Variants in PTPRN2 observed in about 807,000 individuals in gnomAD.
The protein encoded by PTPRN2 is receptor-type tyrosine-protein phosphatase N2.
A neutral mutation model predicts 118.8 loss-of-function variants in PTPRN2; 74 were observed. That is an observed-to-expected ratio of 0.62 (90% CI 0.52 to 0.76). The LOEUF (loss-of-function observed/expected upper bound fraction) is 0.76, where lower values mean the gene tolerates loss of function less well. PTPRN2 is among the 30% of genes least tolerant of loss of function. PTPRN2 has a pLI of 0.00. For missense variants in PTPRN2, 1,481 were observed against 1,394.4 expected (o/e 1.06, Z -0.99); for synonymous variants, 641 against 608.0 (o/e 1.05, Z -0.80).
chr7:157,570,149 G>A (rs1023829294), intron 20 of PTPRN2, among the ~76,000 whole-genome samples: 3 of 152,240 alleles, frequency 2.0e-5, no homozygotes, highest in African/African-American at 4.8e-5. Context: ...GAGGAGAGGC[G>A]GTCGGCCTGG....
At chr7:158,290,327 G>A (rs982106407) in intron 3 of PTPRN2, among the ~76,000 whole-genome samples, 21 of 152,128 alleles carry the variant, frequency 1.4e-4, no homozygotes, top group African/African-American at 5.1e-4. Flanking sequence ...GTTCAGTGCT[G>A]GGGCCTACCA....
intron 13 of PTPRN2, among the ~76,000 whole-genome samples, chr7:157,670,609 G>A (rs1050967681): frequency 2.6e-5 from 4 of 152,116 alleles, no homozygotes; most frequent in Non-Finnish European, 5.9e-5. Context: ...CAGTCACACC[G>A]CAGCAAAGCC....
intron 11 of PTPRN2, among the ~76,000 whole-genome samples, chr7:157,996,653 C>T (rs990237828): frequency 1.3e-5 from 2 of 152,232 alleles, no homozygotes; most frequent in African/African-American, 4.8e-5. Flanking sequence ...TAACTGAGAA[C>T]AGGGTCAGGG....
intron 1 of PTPRN2, among the ~76,000 whole-genome samples, chr7:158,510,285 T>G (rs984157230): frequency 1.3e-5 from 2 of 152,202 alleles, no homozygotes; most frequent in Non-Finnish European, 2.9e-5. Flanking sequence ...CAGAACAACT[T>G]AGAAGCCCAG....
At chr7:158,053,890 CCAGAGA>C (rs1440110978) in intron 11 of PTPRN2, among the ~76,000 whole-genome samples, 1 of 150,306 alleles carries the variant, frequency 6.7e-6, no homozygotes, top group Admixed American at 6.6e-5. Context: ...TGCAGAGACC[CCAGAGA>C]TGCAGAGACC....
At chr7:158,421,882 T>A (rs920805188) in intron 2 of PTPRN2, among the ~76,000 whole-genome samples, 4 of 152,154 alleles carry the variant, frequency 2.6e-5, no homozygotes, top group African/African-American at 7.2e-5. Context: ...AGCCCTAAGG[T>A]TTGGGGTTAA....
chr7:157,979,449 A>G (rs1303888878), intron 11 of PTPRN2, among the ~76,000 whole-genome samples: 1 of 152,208 alleles, frequency 6.6e-6, no homozygotes, highest in Non-Finnish European at 1.5e-5. Flanking sequence ...TGACGGTGAC[A>G]CTGGCAACTG....
intron 12 of PTPRN2, among the ~76,000 whole-genome samples, chr7:157,876,276 G>A (rs1795762986): frequency 6.6e-6 from 1 of 152,180 alleles, no homozygotes; most frequent in African/African-American, 2.4e-5. Context: ...AGGTAAGGCG[G>A]ACAGGGCTGA....
At chr7:157,824,950 T>C (rs955601221) in intron 12 of PTPRN2, among the ~76,000 whole-genome samples, 7 of 152,172 alleles carry the variant, frequency 4.6e-5, no homozygotes, top group African/African-American at 1.7e-4. Flanking sequence ...GGCTGAGTCA[T>C]GCTGGGAAAA....
intron 2 of PTPRN2, among the ~76,000 whole-genome samples, chr7:158,470,564 G>T (rs954882321): frequency 6.6e-6 from 1 of 152,212 alleles, no homozygotes; most frequent in Non-Finnish European, 1.5e-5. Context: ...AGCAAAGGGT[G>T]GGGGTAGGAA....
At chr7:158,131,165 C>T (rs1474010190) in intron 9 of PTPRN2, among the ~76,000 whole-genome samples, 2 of 149,774 alleles carry the variant, frequency 1.3e-5, no homozygotes, top group African/African-American at 5.0e-5. Context: ...CCCGAAGATG[C>T]ACATCATACC....
chr7:157,621,535 G>A (rs769139376), intron 14 of PTPRN2, 26 bp from the exon 15 acceptor site: 43 of 1,608,922 alleles, frequency 2.7e-5, no homozygotes, highest in South Asian at 9.9e-5. Flanking sequence ...AGGGTCAGGA[G>A]CGCACCTAGG....
rs1156399669 is a variant in PTPRN2, at chr7:157,596,800, G to C, written c.2419-1485C>G. 6.6e-6 allele frequency among the ~76,000 whole-genome samples: 1 copy of C among 152,166 alleles called. No individual in the cohort carries two copies. Among genetic ancestry groups the C allele is most frequent in the Non-Finnish European group, 1.5e-5 (1 of 68,028 alleles). On this transcript the variant is annotated intron_variant, in intron 16 of 22. Coordinates refer to ENST00000389418, the MANE Select transcript of PTPRN2 (RefSeq NM_002847.5). The surrounding 1 kb of genome is among the most constrained non-coding windows in gnomAD (Gnocchi z 4.2). ...TTCTATTGTGTCTAGGACTAAAATG[G>C]ACTCTTTTGCTATCAGGGTTTGATT...
chr7:158,546,405 T>C lies in PTPRN2; in HGVS notation c.112+41153A>G, dbSNP rs1420107036. Among the ~76,000 whole-genome samples, 2 of 152,198 alleles carry C rather than the reference T, an allele frequency of 1.3e-5. No homozygotes were observed. Among genetic ancestry groups the C allele is most frequent in the African/African-American group, 4.8e-5 (2 of 41,460 alleles). ...GACGGACTGAGCTCTCAGAGTCCTT[T>C]GGGCACCACAGCCCGGAATGGTGCT... On this transcript the variant is annotated intron_variant, in intron 1 of 22. Coordinates refer to ENST00000389418, the MANE Select transcript of PTPRN2 (RefSeq NM_002847.5). This position sits in a 1 kb window ranked among gnomAD's most constrained non-coding sequence, Gnocchi z 5.0.
intron 12 of PTPRN2, among the ~76,000 whole-genome samples, chr7:157,875,967 C>T (rs1795740921): frequency 6.6e-6 from 1 of 152,052 alleles, no homozygotes; most frequent in Non-Finnish European, 1.5e-5. Context: ...GCCAGGCATC[C>T]CCAGGGCAGG....
chr7:157,756,646 G>A (rs984793767), intron 12 of PTPRN2, among the ~76,000 whole-genome samples: 26 of 152,114 alleles, frequency 1.7e-4, no homozygotes, highest in African/African-American at 6.3e-4. Flanking sequence ...CTCTCACTGC[G>A]CAATGGAAGC....
In PTPRN2 at chr7:157,657,070, C is replaced by A. The variant is rs1310001197; in HGVS notation, c.2002-519G>T. ...ACACATACACCACACACACCACACA[C>A]GTCACACATATACACACACATACGC... On this transcript the variant is annotated intron_variant, in intron 13 of 22. Coordinates refer to ENST00000389418, the MANE Select transcript of PTPRN2 (RefSeq NM_002847.5). 9.5e-4 allele frequency among the ~76,000 whole-genome samples: 125 copies of A among 131,802 alleles called. 2 individuals are homozygous for A. The highest frequency in any genetic ancestry group is 3.5e-3 in the African/African-American group (117 of 33,690). 86.5% of individuals were successfully genotyped at this position (131,802 alleles called of 152,430 possible).
intron 15 of PTPRN2, among the ~76,000 whole-genome samples, chr7:157,608,597 A>T (rs1165406236): frequency 6.6e-6 from 1 of 152,166 alleles, no homozygotes; most frequent in Non-Finnish European, 1.5e-5. Context: ...GGATGATGCC[A>T]TCCAGTTCCC....
chr7:158,507,589 A>G lies in PTPRN2; in HGVS notation c.113-17804T>C, dbSNP rs551558472. The stretch of plus-strand genomic sequence containing the variant: ...CCGTGCTAGGCAGGAAATTGCACAC[A>G]CGAAGGTCAGTGAGGAACATCCAGG... On this transcript the variant is annotated intron_variant, in intron 1 of 22. Transcript: ENST00000389418. Among the ~76,000 whole-genome samples the G allele has an allele frequency of 1.4e-3, 212 of 150,038 alleles. 1 individual carries two copies. The highest frequency in any genetic ancestry group is 4.7e-3 in the African/African-American group (191 of 40,550).
Sources: gnomAD v4.1 joint callset for allele counts (sites outside exome capture counted in the v4.1 genomes callset) on GRCh38, gnomAD v4.1.1 for gene constraint, Gnocchi (gnomAD v3.1) non-coding constraint, MANE v1.5 for transcripts, NCBI Gene and HGNC (gene_info 2026-07-23, HGNC 2026-07-21) for gene names.